MEF2C: variants seen among roughly 807,000 people sequenced by gnomAD.
The protein encoded by MEF2C is myocyte-specific enhancer factor 2C.
In MEF2C, 6 loss-of-function variants were observed where a neutral mutation model predicts 50.5. The ratio of observed to expected loss-of-function variants is 0.12; its 90% CI spans 0.07 to 0.23. MEF2C has a LOEUF of 0.23. Among genes scored for constraint, MEF2C ranks in the 10% least tolerant of loss-of-function variants. MEF2C has a pLI of 1.00. For synonymous variants in MEF2C, 183 were observed against 228.0 expected (o/e 0.80, Z 1.78); for missense variants, 276 against 605.0 (o/e 0.46, Z 5.70).
rs1760381801 is a variant in MEF2C, at chr5:88,729,367, G to T, written c.835-20C>A. On this transcript the variant is annotated intron_variant, in intron 8 of 10. Transcript: ENST00000504921. ...TTGATTCTTTTAAAATAAATAAAAA[G>T]ACATTACTGATGAATTTTTTTAAAA... The T allele has an allele frequency of 1.5e-5, 24 of 1,566,148 alleles. No homozygotes were observed. Among genetic ancestry groups the T allele is most frequent in the Non-Finnish European group, 2.0e-5 (23 of 1,153,426 alleles).
At chr5:88,744,326 G>A (rs1473361404) in intron 6 of MEF2C, among the ~76,000 whole-genome samples, 1 of 152,184 alleles carries the variant, frequency 6.6e-6, no homozygotes, top group Non-Finnish European at 1.5e-5. Flanking sequence ...GGCCGAGGTG[G>A]GCGGATTGCC....
In MEF2C at chr5:88,733,711, A is replaced by G. The variant is rs907629725; in HGVS notation, c.638-1810T>C. 33 of 985,296 alleles carry G rather than the reference A, an allele frequency of 3.3e-5. No homozygotes were observed. The African/African-American group carries it at 5.2e-4, about 16-fold the overall frequency. 61.0% of individuals were successfully genotyped at this position (985,296 alleles called of 1,614,324 possible). A position where few individuals can be genotyped will look rare whatever the true frequency, so the allele number is the denominator to read the frequency against. ...TTATGCATGAATAAACAGGCTGAAT[A>G]TATAACAAATAACTACAAGATTAAG... is the stretch of plus-strand genomic sequence containing the variant. On this transcript the variant is annotated intron_variant, in intron 6 of 10. Transcript: ENST00000504921.
intron 3 of MEF2C, chr5:88,766,672 G>A: frequency 1.7e-5 from 17 of 985,252 alleles, no homozygotes; most frequent in Non-Finnish European, 2.0e-5. Context: ...GAGAAACCTG[G>A]AGAAACCCCC....
intron 6 of MEF2C, chr5:88,739,631 TC>T (rs1765652477): frequency 3.0e-6 from 3 of 985,310 alleles, no homozygotes; most frequent in Non-Finnish European, 2.4e-6. Context: ...AATATGATCT[TC>T]TAGACTGCAG....
intron 1 of MEF2C, among the ~76,000 whole-genome samples, chr5:88,874,956 T>A (rs1018287065): frequency 6.6e-6 from 1 of 151,988 alleles, no homozygotes; most frequent in Admixed American, 6.6e-5. Context: ...GTGCTGGCAA[T>A]AATCTGATTG....
intron 1 of MEF2C, among the ~76,000 whole-genome samples, chr5:88,875,087 G>A (rs1358657784): frequency 6.6e-6 from 1 of 151,906 alleles, no homozygotes; most frequent in Admixed American, 6.6e-5. Context: ...GGTAATTAAA[G>A]CCTGCTTCTT....
chr5:88,770,132 G>T (rs796065696), intron 3 of MEF2C: 1 of 419,154 alleles, frequency 2.4e-6, no homozygotes, highest in Non-Finnish European at 3.2e-6. Context: ...TAAGATCAGA[G>T]AACAGGTTTT....
At chr5:88,760,544 A>G (rs1029389939) in intron 4 of MEF2C, among the ~76,000 whole-genome samples, 3 of 152,178 alleles carry the variant, frequency 2.0e-5, no homozygotes, top group East Asian at 3.9e-4. Flanking sequence ...ATCAGCTTTT[A>G]TTTAGGTGAT....
chr5:88,866,380 T>C (rs944975210), intron 1 of MEF2C, among the ~76,000 whole-genome samples: 2 of 152,204 alleles, frequency 1.3e-5, no homozygotes, highest in African/African-American at 2.4e-5. Flanking sequence ...ATATGGTAGC[T>C]ATTAATTTTG....
At chr5:88,734,843 T>G (rs915050240) in intron 6 of MEF2C, 1 of 974,070 alleles carries the variant, frequency 1.0e-6, no homozygotes, top group Non-Finnish European at 1.2e-6. Context: ...TATTTTAAGG[T>G]GTTTACATAC....
Position 88,717,645 on chromosome 5 carries a change from G to A in MEF2C, c.*4959C>T, listed in dbSNP as rs1755117529. On this transcript the variant is annotated 3_prime_UTR_variant, in exon 11 of 11. Coordinates refer to ENST00000504921, the MANE Select transcript of MEF2C (RefSeq NM_002397.5). ...ATGCAAAAGTCCAAGTTCTCCAGCT[G>A]GCTAACTGGTGGTGTCTTGTTTTCC... 1 of 152,102 alleles carries A rather than the reference G, an allele frequency of 6.6e-6. No homozygotes were observed. Among genetic ancestry groups the A allele is most frequent in the South Asian group, 2.1e-4 (1 of 4,824 alleles). The allele number at this position is 152,102 out of a possible 1,614,324, so 9.4% of individuals were successfully genotyped here.
chr5:88,761,143 A>G, intron 4 of MEF2C, 42 bp downstream of exon 4: 3 of 1,614,018 alleles, frequency 1.9e-6, no homozygotes, highest in Non-Finnish European at 2.5e-6. Context: ...GTTCAGAGAA[A>G]TATCAAGAGT....
intron 1 of MEF2C, among the ~76,000 whole-genome samples, chr5:88,857,371 A>G (rs1823824454): frequency 6.6e-6 from 1 of 152,194 alleles, no homozygotes; most frequent in South Asian, 2.1e-4. Flanking sequence ...GATAGGTGGA[A>G]GGGACTTGCC....
rs571029128 is a variant in MEF2C, at chr5:88,871,352, T to C, written c.-143+11603A>G. Among the ~76,000 whole-genome samples the C allele has an allele frequency of 8.5e-5, 13 of 152,082 alleles. No homozygotes were observed. In the East Asian group the frequency reaches 2.5e-3, roughly 29 times the overall value. The stretch of plus-strand genomic sequence containing the variant: ...CCATCATCTTCATGCAGACTTATTA[T>C]TATTATTATTATTTTTAAATTAAAG... On this transcript the variant is annotated intron_variant, in intron 1 of 10. Coordinates refer to ENST00000504921, the MANE Select transcript of MEF2C (RefSeq NM_002397.5).
intron 1 of MEF2C, chr5:88,843,372 T>A (rs1488607702): frequency 2.0e-6 from 2 of 985,218 alleles, no homozygotes; most frequent in Non-Finnish European, 2.4e-6. Flanking sequence ...CCCTCAAAGG[T>A]GAACCAACAA....
chr5:88,742,434 C>T, intron 6 of MEF2C: 1 of 981,942 alleles, frequency 1.0e-6, no homozygotes, highest in Non-Finnish European at 1.2e-6. Context: ...GTTTTCTTAT[C>T]CTTCACACTA....
intron 4 of MEF2C, among the ~76,000 whole-genome samples, chr5:88,753,913 G>A (rs975951976): frequency 2.6e-5 from 4 of 152,166 alleles, no homozygotes; most frequent in East Asian, 1.9e-4. Flanking sequence ...CTGTAAAGTC[G>A]AAGTCTATAG....
chr5:88,772,609 G>T, intron 3 of MEF2C: 1 of 440,094 alleles, frequency 2.3e-6, no homozygotes, highest in Non-Finnish European at 3.0e-6. Flanking sequence ...AGCAGGCAGA[G>T]AGATTTTTCA....
intron 1 of MEF2C, chr5:88,838,830 A>C (rs1816183459): frequency 1.6e-6 from 1 of 641,324 alleles, no homozygotes. Flanking sequence ...CCACTTCAAA[A>C]TTTTATACAG....
Sources: gnomAD v4.1 joint callset for allele counts (sites outside exome capture counted in the v4.1 genomes callset) on GRCh38, gnomAD v4.1.1 for gene constraint, MANE v1.5 for transcripts, NCBI Gene and HGNC (gene_info 2026-07-23, HGNC 2026-07-21) for gene names.